Variants in MDK observed in about 807,000 individuals in gnomAD.
MDK encodes the protein amphiregulin-associated protein.
MDK carries 17 observed loss-of-function variants against 18.9 expected under a neutral mutation model. The observed-to-expected ratio is 0.90, with a 90% CI of 0.62 to 1.35. The LOEUF is 1.35. Ranked by LOEUF, MDK falls within the 40% of genes most tolerant of loss-of-function variation. The probability of loss-of-function intolerance (pLI) is 0.00; values close to 1 mark genes in which losing one functional copy is unlikely to be tolerated. For synonymous variants in MDK, 86 were observed against 74.3 expected (o/e 1.16, Z -0.81); for missense variants, 180 against 186.3 (o/e 0.97, Z 0.20).
At position 46,381,702 on chromosome 11, in the gene MDK, G is replaced by A. The variant is rs923161428; in HGVS notation, c.-58G>A. 61 of 164,964 alleles carry A rather than the reference G, an allele frequency of 3.7e-4. No individual in the cohort carries two copies. In the Middle Eastern group the frequency reaches 8.3e-3, roughly 22 times the overall value. The allele number at this position is 164,964 out of a possible 1,614,324, so 10.2% of individuals were successfully genotyped here. A position where few individuals can be genotyped will look rare whatever the true frequency, so the allele number is the denominator to read the frequency against. On this transcript the variant is annotated 5_prime_UTR_variant, in exon 1 of 5. Coordinates refer to ENST00000395566, the MANE Select transcript of MDK (RefSeq NM_002391.6). ...TCTGGAGACAAAAGGGGCCGCGGCG[G>A]CCGGAGCGGGACGGGCCCGGCGCGG...
At position 46,383,524 on chromosome 11, in the gene MDK, G is replaced by C. The variant is rs751148397; in HGVS notation, c.*30G>C. On this transcript the variant is annotated 3_prime_UTR_variant, in exon 5 of 5. Transcript: ENST00000395566. ...CAAGCCTGGATGCCAAGGAGCCCCT[G>C]GTGTCACATGGGGCCTGGCCCACGC... 1 of 1,608,548 alleles carries C rather than the reference G, an allele frequency of 6.2e-7. No homozygotes were observed. The highest frequency in any genetic ancestry group is 8.5e-7 in the Non-Finnish European group (1 of 1,175,426).
rs1363979516 is a variant in MDK, at chr11:46,382,671, C to T, written c.329C>T (p.Ala110Val). 6 of 1,612,966 alleles carry T rather than the reference C, an allele frequency of 3.7e-6. No homozygotes were observed. Among genetic ancestry groups the T allele is most frequent in the South Asian group, 2.2e-5 (2 of 91,038 alleles). ...GTCCGCCAAGGCACCCTGAAGAAGG[C>T]GCGCTACAATGCTCAGTGCCAGGAG... ...TKVRQGTLKK[A>V]RYNAQCQETI... Residue 110 changes from alanine (A) to valine (V), a missense_variant, in exon 4 of 5, where the codon GCG (alanine) becomes GTG (valine). By Grantham distance (64) the Ala-to-Val change is moderately conservative. Transcript: ENST00000395566.
intron 4 of MDK, 138 bp from the exon 5 acceptor site, chr11:46,383,331 T>C: frequency 1.6e-6 from 1 of 634,756 alleles, no homozygotes; most frequent in Non-Finnish European, 2.8e-6. Context: ...ATCCCCTGCT[T>C]CCGAGTCAGC....
Position 46,383,487 on chromosome 11 carries a change from A to G in MDK, c.425A>G (p.Lys142Arg), listed in dbSNP as rs769068930. The change falls in exon 5 of 5, where the codon AAG (lysine) becomes AGG (arginine). Residue 142 changes from lysine to arginine, a missense_variant. By Grantham distance (26) the Lys-to-Arg change is conservative. Coordinates refer to ENST00000395566, the MANE Select transcript of MDK (RefSeq NM_002391.6). ...AKAKAKKGKG[K>R]D is the part of the protein sequence containing the mutation. ...TTTACAGCCAAGAAAGGGAAGGGAA[A>G]GGACTAGACGCCAAGCCTGGATGCC... The G allele has an allele frequency of 1.2e-6, 2 of 1,606,198 alleles. No homozygotes were observed. Among genetic ancestry groups the G allele is most frequent in the South Asian group, 1.1e-5 (1 of 90,358 alleles).
intron 4 of MDK, 191 bp downstream of exon 4, chr11:46,382,939 G>A (rs1945267889): frequency 1.5e-6 from 1 of 664,998 alleles, no homozygotes; most frequent in Admixed American, 2.8e-5. Context: ...CGCAGGTGAT[G>A]CTGGGGACAT....
chr11:46,382,790 G>GGGGGGGGGGGGCCCCC, intron 4 of MDK, 42 bp downstream of exon 4: 3 of 985,982 alleles, frequency 3.0e-6, no homozygotes, highest in East Asian at 3.8e-5. Flanking sequence ...GCGGGGGGCT[G>GGGGGGGGGGGGCCCCC]CCCCCCCCCC....
Position 46,383,572 on chromosome 11 carries a change from T to G in MDK, c.*78T>G. On this transcript the variant is annotated 3_prime_UTR_variant, in exon 5 of 5. Coordinates refer to ENST00000395566, the MANE Select transcript of MDK (RefSeq NM_002391.6). ...CGCCCTCCCTCTCCCAGGCCCGAGA[T>G]GTGACCCACCAGTGCCTTCTGTCTG... 7.6e-7 allele frequency: 1 copy of G among 1,316,346 alleles called. No homozygotes were observed. Among genetic ancestry groups the G allele is most frequent in the Non-Finnish European group, 1.1e-6 (1 of 911,632 alleles). 81.5% of individuals were successfully genotyped at this position (1,316,346 alleles called of 1,614,324 possible).
chr11:46,382,165 AC>A, intron 2 of MDK, 32 bp downstream of exon 2: 1 of 1,609,154 alleles, frequency 6.2e-7, no homozygotes, highest in South Asian at 1.1e-5. Flanking sequence ...AGGGCTGGGG[AC>A]GGGCAGGCGA....
downstream of MDK, chr11:46,383,827 A>C: frequency 2.5e-6 from 1 of 403,988 alleles, no homozygotes; most frequent in Non-Finnish European, 4.7e-6. Flanking sequence ...TTTAATATAT[A>C]AAAGCCCCTT....
rs756744644 is a variant in MDK, at chr11:46,382,085, A to G, written c.28A>G (p.Thr10Ala). MQHRGFLLLTLLALLALTSA... is the reference protein window; with the variant it reads MQHRGFLLLALLALLALTSA... ...GCAGCACCGAGGCTTCCTCCTCCTC[A>G]CCCTCCTCGCCCTGCTGGCGCTCAC... Residue 10 changes from threonine to alanine, a missense_variant, in exon 2 of 5, where the codon ACC (threonine) becomes GCC (alanine). Coordinates refer to ENST00000395566, the MANE Select transcript of MDK (RefSeq NM_002391.6). 7 of 1,609,602 alleles carry G rather than the reference A, an allele frequency of 4.3e-6. No individual in the cohort carries two copies. The South Asian group carries it at 6.6e-5, about 15-fold the overall frequency.
chr11:46,382,787 GCTGC>G (rs2136542326), intron 4 of MDK, 39 bp downstream of exon 4: 1 of 1,498,516 alleles, frequency 6.7e-7, no homozygotes, highest in Non-Finnish European at 8.9e-7. Context: ...GTCGCGGGGG[GCTGC>G]CCCCCCCCCC....
At chr11:46,382,031 G>T in intron 1 of MDK, 26 bp from the exon 2 acceptor site, 6 of 1,586,704 alleles carry the variant, frequency 3.8e-6, no homozygotes, top group Non-Finnish European at 4.3e-6. Flanking sequence ...ACGGGCCAGG[G>T]ATTCAGACTC....
At chr11:46,382,850 C>A in intron 4 of MDK, 102 bp downstream of exon 4, 1 of 1,350,242 alleles carries the variant, frequency 7.4e-7, no homozygotes, top group Non-Finnish European at 1.0e-6. Context: ...GTTTTGAGTC[C>A]TGGCCAGTGG....
chr11:46,382,556 G>T, intron 3 of MDK, 31 bp from the exon 4 acceptor site: 2 of 1,582,926 alleles, frequency 1.3e-6, no homozygotes, highest in Non-Finnish European at 1.7e-6. Flanking sequence ...CGCGGGCCGC[G>T]CAGCGCTGAC....
chr11:46,382,781 C>CGGGGGGGGGG (rs1342765590), intron 4 of MDK, 33 bp downstream of exon 4: 1 of 470,108 alleles, frequency 2.1e-6, no homozygotes. Flanking sequence ...GGGGCTGTCG[C>CGGGGGGGGGG]GGGGGGCTGC....
At position 46,381,686 on chromosome 11, in the gene MDK, A is replaced by C; in HGVS notation, c.-74A>C. Reference sequence around the variant, plus strand: ...ACCGGCTCAGACCGGTTCTGGAGACAAAAGGGGCCGCGGCGGCCGGAGCGG... The same window carrying C: ...ACCGGCTCAGACCGGTTCTGGAGACCAAAGGGGCCGCGGCGGCCGGAGCGG... On this transcript the variant is annotated 5_prime_UTR_variant, in exon 1 of 5. Coordinates refer to ENST00000395566, the MANE Select transcript of MDK (RefSeq NM_002391.6). 1 of 152,882 alleles carries C rather than the reference A, an allele frequency of 6.5e-6. No homozygotes were observed. Among genetic ancestry groups the C allele is most frequent in the African/African-American group, 2.5e-5 (1 of 40,176 alleles). 9.5% of individuals were successfully genotyped at this position (152,882 alleles called of 1,614,324 possible). A position where few individuals can be genotyped will look rare whatever the true frequency, so the allele number is the denominator to read the frequency against.
chr11:46,382,343 G>A lies in MDK; in HGVS notation c.126G>A (p.Trp42Ter). 1 of 1,603,780 alleles carries A rather than the reference G, an allele frequency of 6.2e-7. No homozygotes were observed. The highest frequency in any genetic ancestry group is 1.1e-5 in the South Asian group (1 of 90,052). The change falls in exon 3 of 5, where the codon TGG becomes TGA. Residue 42 changes from tryptophan (W) to a stop codon, truncating the protein, a stop_gained. Transcript: ENST00000395566. LOFTEE classifies it high-confidence loss of function. Reference protein sequence around the residue: ...GPGSECAEWAWGPCTPSSKDC... With the variant: ...GPGSECAEWA ...GGAGCGAGTGCGCTGAGTGGGCCTGGGGGCCCTGCACCCCCAGCAGCAAGG... is the reference window on the plus strand; with the variant it reads ...GGAGCGAGTGCGCTGAGTGGGCCTGAGGGCCCTGCACCCCCAGCAGCAAGG...
rs781748273 is a variant in MDK at position 46,382,423 on chromosome 11, G to A, written c.206G>A (p.Arg69Gln). ...GTCGAQTQRIRCRVPCNWKKE... is the reference protein window; with the variant it reads ...GTCGAQTQRIQCRVPCNWKKE... The stretch of plus-strand genomic sequence containing the variant: ...TGCGGGGCCCAGACCCAGCGCATCC[G>A]GTGCAGGGTGCCCTGCAACTGGAAG... The change falls in exon 3 of 5, where the codon CGG becomes CAG. Residue 69 changes from arginine (R) to glutamine (Q), a missense_variant. By Grantham distance (43) the Arg-to-Gln change is conservative. Coordinates refer to ENST00000395566, the MANE Select transcript of MDK (RefSeq NM_002391.6). 6.5e-7 allele frequency: 1 copy of A among 1,530,414 alleles called. No individual in the cohort carries two copies. Among genetic ancestry groups the A allele is most frequent in the Admixed American group, 2.1e-5 (1 of 47,534 alleles). 94.8% of individuals were successfully genotyped at this position (1,530,414 alleles called of 1,614,324 possible). A position where few individuals can be genotyped will look rare whatever the true frequency, so the allele number is the denominator to read the frequency against.
chr11:46,381,553 T>G (rs1231505961), upstream of MDK: 1 of 118,062 alleles, frequency 8.5e-6, no homozygotes, highest in African/African-American at 3.2e-5. Flanking sequence ...GGGCGCGGGC[T>G]GGAGCGGGGG....
Sources: gnomAD v4.1 joint callset for allele counts on GRCh38, gnomAD v4.1.1 for gene constraint, MANE v1.5 for transcripts, NCBI Gene and HGNC (gene_info 2026-07-23, HGNC 2026-07-21) for gene names.